Variants in INTS6 observed in about 807,000 individuals in gnomAD.
The protein encoded by INTS6 is integrator complex subunit 6, also known as DEAD box protein.
In INTS6, 16 loss-of-function variants were observed where a neutral mutation model predicts 104.9. That is an observed-to-expected ratio of 0.15 (90% CI 0.10 to 0.23). The LOEUF (loss-of-function observed/expected upper bound fraction) is 0.23, where lower values mean the gene tolerates loss of function less well. Ranked by LOEUF, INTS6 falls within the 10% of genes least tolerant of loss-of-function variation. INTS6 has a pLI of 1.00. For synonymous variants in INTS6, 324 were observed against 358.7 expected (o/e 0.90, Z 1.09); for missense variants, 584 against 1,062.8 (o/e 0.55, Z 6.26).
intron 4 of INTS6, among the ~76,000 whole-genome samples, chr13:51,423,335 T>C (rs547978577): frequency 1.8e-4 from 27 of 151,944 alleles, no homozygotes; most frequent in African/African-American, 6.5e-4. Flanking sequence ...GGGGTGTGTG[T>C]GTGTGTGCAT....
At chr13:51,444,954 A>T (rs1333301793) in intron 3 of INTS6, 2 of 152,142 alleles carry the variant, frequency 1.3e-5, no homozygotes, top group Non-Finnish European at 2.9e-5. Flanking sequence ...TTATACCACC[A>T]TTAAATTAAT....
chr13:51,387,651 T>C, intron 6 of INTS6, 111 bp from the exon 7 acceptor site: 1 of 788,012 alleles, frequency 1.3e-6, no homozygotes, highest in South Asian at 2.8e-5. Context: ...CCTAATATCT[T>C]TTTCCAGGTT....
At chr13:51,356,086 GAC>G (rs905216671) in intron 3 of INTS6, among the ~76,000 whole-genome samples, 3 of 152,134 alleles carry the variant, frequency 2.0e-5, no homozygotes, top group Non-Finnish European at 4.4e-5. Context: ...TGACCAGATT[GAC>G]AGTTACTTAT....
At chr13:51,442,304 T>A (rs548457308) in intron 3 of INTS6, 1 of 151,844 alleles carries the variant, frequency 6.6e-6, no homozygotes, top group East Asian at 1.9e-4. Context: ...CCCGCCACCA[T>A]GCCCAGCTAA....
intron 7 of INTS6, 72 bp downstream of exon 7, chr13:51,387,314 A>G: frequency 1.5e-6 from 2 of 1,363,094 alleles, no homozygotes; most frequent in Non-Finnish European, 2.0e-6. Flanking sequence ...CAGCTTTGAC[A>G]ACAGAATTTG....
At chr13:51,367,753 A>G in intron 17 of INTS6, 52 bp downstream of exon 17, 2 of 1,023,876 alleles carry the variant, frequency 2.0e-6, no homozygotes, top group Non-Finnish European at 3.0e-6. Context: ...CTGCCTATAT[A>G]AACTGTGGAC....
intron 4 of INTS6, among the ~76,000 whole-genome samples, chr13:51,423,738 T>C (rs1222251263): frequency 1.3e-5 from 2 of 152,104 alleles, no homozygotes; most frequent in Non-Finnish European, 2.9e-5. Context: ...TCAAGAATTA[T>C]TTTTATCCTA....
intron 9 of INTS6, 55 bp from the exon 10 acceptor site, chr13:51,382,178 A>G (rs1956063890): frequency 1.9e-6 from 2 of 1,078,470 alleles, no homozygotes; most frequent in Non-Finnish European, 2.7e-6. Flanking sequence ...CACACATAGA[A>G]GTCAAGTCAA....
chr13:51,436,982 G>C (rs1952702307), intron 3 of INTS6: 1 of 152,134 alleles, frequency 6.6e-6, no homozygotes, highest in Non-Finnish European at 1.5e-5. Context: ...GCCAGGCACG[G>C]TGGCTCACAC....
chr13:51,436,638 C>T (rs1408406783), intron 3 of INTS6: 1 of 151,876 alleles, frequency 6.6e-6, no homozygotes, highest in Admixed American at 6.6e-5. Context: ...ATAAGAACTG[C>T]AGAATCACTA....
intron 16 of INTS6, 144 bp downstream of exon 16, chr13:51,368,795 A>G: frequency 1.2e-6 from 1 of 833,042 alleles, no homozygotes; most frequent in Non-Finnish European, 1.8e-6. Context: ...TCAGATGAAT[A>G]AAGGATCTTA....
intron 5 of INTS6, among the ~76,000 whole-genome samples, chr13:51,390,792 TA>T (rs747411982): frequency 3.9e-5 from 6 of 152,100 alleles, no homozygotes; most frequent in Non-Finnish European, 8.8e-5. Flanking sequence ...ATGATGATTA[TA>T]ACCTTAACAA....
intron 15 of INTS6, among the ~76,000 whole-genome samples, chr13:51,370,265 A>G (rs989500817): frequency 2.6e-5 from 4 of 152,172 alleles, no homozygotes; most frequent in South Asian, 4.1e-4. Context: ...TCTCTTGCAC[A>G]ATCTCCATAG....
chr13:51,408,817 T>C (rs1478553790), intron 4 of INTS6, among the ~76,000 whole-genome samples: 1 of 152,222 alleles, frequency 6.6e-6, no homozygotes, highest in Non-Finnish European at 1.5e-5. Flanking sequence ...GTTACCTTGC[T>C]TTAATCATCT....
intron 3 of INTS6, chr13:51,446,460 C>T (rs547677826): frequency 2.0e-5 from 3 of 152,162 alleles, no homozygotes; most frequent in Admixed American, 6.5e-5. Context: ...TTGGTAGGAA[C>T]GTAAAATGGT....
chr13:51,445,092 A>G (rs1173045346), intron 3 of INTS6: 2 of 152,130 alleles, frequency 1.3e-5, no homozygotes, highest in African/African-American at 4.8e-5. Flanking sequence ...ACTTGTGTAA[A>G]TCTCATCTAA....
chr13:51,349,611 G>T (rs1363201777), downstream of INTS6, among the ~76,000 whole-genome samples: 1 of 152,170 alleles, frequency 6.6e-6, no homozygotes, highest in Non-Finnish European at 1.5e-5. Flanking sequence ...CAGATGGTGG[G>T]ACTCATCCTC....
At chr13:51,377,362 A>G (rs1390623349) in intron 12 of INTS6, among the ~76,000 whole-genome samples, 1 of 152,112 alleles carries the variant, frequency 6.6e-6, no homozygotes, top group Non-Finnish European at 1.5e-5. Flanking sequence ...TTTTTATTTT[A>G]ATGAAATTCA....
chr13:51,421,227 C>A (rs1956890858), intron 4 of INTS6: 1 of 985,622 alleles, frequency 1.0e-6, no homozygotes, highest in Non-Finnish European at 1.2e-6. Context: ...CATCCAGGAT[C>A]AGGTCGATCC....
Sources: gnomAD v4.1 joint callset for allele counts (sites outside exome capture counted in the v4.1 genomes callset) on GRCh38, gnomAD v4.1.1 for gene constraint, MANE v1.5 for transcripts, NCBI Gene and HGNC (gene_info 2026-07-23, HGNC 2026-07-21) for gene names.